Variants in PYHIN1 observed in about 807,000 individuals in gnomAD.
PYHIN1 encodes the protein pyrin and HIN domain family member 1, also known as pyrin and HIN domain-containing protein 1.
Under a neutral mutation model 43.7 loss-of-function variants are expected in PYHIN1, and 32 were observed. The observed-to-expected ratio is 0.73, with a 90% CI of 0.55 to 0.98. PYHIN1 has a LOEUF of 0.98. Ranked by LOEUF, PYHIN1 falls within the 50% of genes least tolerant of loss-of-function variation. PYHIN1 has a pLI of 0.00. For missense variants in PYHIN1, 588 were observed against 589.5 expected, an observed-to-expected ratio of 1.00 and a Z score of 0.03; for synonymous variants, 205 against 203.1, an observed-to-expected ratio of 1.01 and a Z score of -0.08.
intron 7 of PYHIN1, among the ~76,000 whole-genome samples, chr1:158,952,610 T>G (rs6674847): frequency 0.11 from 16,940 of 152,114 alleles, 1,093 homozygotes; most frequent in Non-Finnish European, 0.12. Context: ...AGGTGATGGT[T>G]CCTCCTCCTT....
At chr1:158,945,358 T>G in intron 7 of PYHIN1, 1 of 206,362 alleles carries the variant, frequency 4.8e-6, no homozygotes, top group Non-Finnish European at 9.6e-6. Context: ...ACATTCCAAT[T>G]TCTTTCACAA....
At chr1:158,973,415 C>T (rs774923176) in intron 7 of PYHIN1, among the ~76,000 whole-genome samples, 1 of 151,492 alleles carries the variant, frequency 6.6e-6, no homozygotes, top group Non-Finnish European at 1.5e-5. Context: ...ATGCTAGTTT[C>T]TGTGTATGCT....
intron 7 of PYHIN1, among the ~76,000 whole-genome samples, chr1:158,946,443 A>G (rs1052358382): frequency 5.3e-5 from 8 of 152,216 alleles, no homozygotes; most frequent in Admixed American, 2.0e-4. Flanking sequence ...ATTTCTAAAT[A>G]TGATTAACAG....
At chr1:158,953,041 G>C (rs553097445) in intron 7 of PYHIN1, among the ~76,000 whole-genome samples, 5 of 152,164 alleles carry the variant, frequency 3.3e-5, no homozygotes, top group African/African-American at 1.2e-4. Context: ...TGCGCTTTTC[G>C]GACCGGCTTA....
At chr1:158,956,077 C>A (rs927914647) in intron 7 of PYHIN1, among the ~76,000 whole-genome samples, 1 of 145,766 alleles carries the variant, frequency 6.9e-6, no homozygotes, top group Admixed American at 6.8e-5. Context: ...TCTGAATAGA[C>A]CAATAACAGG....
intron 7 of PYHIN1, among the ~76,000 whole-genome samples, chr1:158,962,914 C>G (rs1650409730): frequency 6.6e-6 from 1 of 152,116 alleles, no homozygotes; most frequent in African/African-American, 2.4e-5. Context: ...GGTTCTGCCC[C>G]TGATCCCCTT....
downstream of PYHIN1, among the ~76,000 whole-genome samples, chr1:158,979,364 A>G (rs1452851373): frequency 1.3e-5 from 2 of 152,144 alleles, no homozygotes; most frequent in Non-Finnish European, 2.9e-5. Context: ...AAGTTTGGCT[A>G]TTATAGATAC....
chr1:158,980,684 G>A (rs1045313477), downstream of PYHIN1, among the ~76,000 whole-genome samples: 9 of 152,172 alleles, frequency 5.9e-5, no homozygotes, highest in South Asian at 2.1e-4. Context: ...CTCTGCTCTC[G>A]AACCCTGTGT....
At chr1:158,979,561 C>G (rs1651418335), downstream of PYHIN1, among the ~76,000 whole-genome samples, 2 of 152,132 alleles carry the variant, frequency 1.3e-5, no homozygotes, top group Admixed American at 1.3e-4. Context: ...ATTTTCTTAT[C>G]TATTCATTCA....
the PYHIN1 span, among the ~76,000 whole-genome samples, chr1:158,985,027 C>T: frequency 1.3e-5 from 2 of 152,032 alleles, no homozygotes; most frequent in Non-Finnish European, 2.9e-5. Context: ...TTCCTCCATC[C>T]ATTTAATTTA....
At chr1:158,941,727 G>A (rs1462730408) in intron 4 of PYHIN1, among the ~76,000 whole-genome samples, 5 of 152,056 alleles carry the variant, frequency 3.3e-5, no homozygotes, top group Admixed American at 3.3e-4. Context: ...GTCTTTTGTT[G>A]CTATTATATC....
At chr1:158,958,265 C>G (rs1256787252) in intron 7 of PYHIN1, among the ~76,000 whole-genome samples, 1 of 150,938 alleles carries the variant, frequency 6.6e-6, no homozygotes, top group East Asian at 1.9e-4. Context: ...GGTATATACC[C>G]AAAGGACTAT....
intron 7 of PYHIN1, among the ~76,000 whole-genome samples, 160 bp from the exon 8 acceptor site, chr1:158,973,487 T>G (rs1651053147): frequency 7.0e-6 from 1 of 142,930 alleles, no homozygotes; most frequent in African/African-American, 2.6e-5. Flanking sequence ...AGAGGGAAGA[T>G]TCTATAAAAA....
At position 158,936,849 on chromosome 1, in the gene PYHIN1, C is replaced by G; in HGVS notation, c.-20-42C>G. 2.3e-6 allele frequency: 3 copies of G among 1,315,746 alleles called. 1 individual carries two copies. In the Middle Eastern group the frequency reaches 5.8e-4, roughly 254 times the overall value. 81.5% of individuals were successfully genotyped at this position (1,315,746 alleles called of 1,614,324 possible). On this transcript the variant is annotated intron_variant, in intron 1 of 8. Coordinates refer to ENST00000368140, the MANE Select transcript of PYHIN1 (RefSeq NM_152501.5). ...AGGCATACATCTTCTTTTAAATTCT[C>G]TGTATACATGTGTAACACTATATAC...
At chr1:158,980,264 A>G (rs1161345182), downstream of PYHIN1, among the ~76,000 whole-genome samples, 1 of 152,140 alleles carries the variant, frequency 6.6e-6, no homozygotes, top group African/African-American at 2.4e-5. Flanking sequence ...CACTGTGATA[A>G]TTGTTAACTG....
Position 158,942,017 on chromosome 1 carries a change from A to G in PYHIN1, c.620A>G (p.Lys207Arg). Residue 207 changes from lysine (K) to arginine (R), a missense_variant, in exon 5 of 9, where the codon AAA (lysine) becomes AGA (arginine). By Grantham distance (26) the Lys-to-Arg change is conservative. Transcript: ENST00000368140. ...PLANRHATAS[K>R]NIFREDPIIA... ...GCCAACCGTCACGCAACTGCCAGTA[A>G]AAATATTTTCCGAGAAGACCCAATA... 1 of 1,611,938 alleles carries G rather than the reference A, an allele frequency of 6.2e-7. No homozygotes were observed. Among genetic ancestry groups the G allele is most frequent in the Non-Finnish European group, 8.5e-7 (1 of 1,178,878 alleles).
chr1:158,968,534 G>T (rs1298559394), intron 7 of PYHIN1, among the ~76,000 whole-genome samples: 1 of 152,098 alleles, frequency 6.6e-6, no homozygotes, highest in African/African-American at 2.4e-5. Flanking sequence ...AAAGCAGTGT[G>T]ACAATTCCTC....
At chr1:158,936,821 C>T in intron 1 of PYHIN1, 70 bp from the exon 2 acceptor site, 1 of 1,023,798 alleles carries the variant, frequency 9.8e-7, no homozygotes, top group Non-Finnish European at 1.4e-6. Flanking sequence ...CACTTATTCA[C>T]ATAGGCATAC....
intron 7 of PYHIN1, among the ~76,000 whole-genome samples, chr1:158,964,852 A>G (rs1200135424): frequency 1.3e-5 from 2 of 152,346 alleles, no homozygotes; most frequent in East Asian, 3.9e-4. Context: ...TAATCAGCTA[A>G]CAACACAATG....
Sources: allele counts gnomAD v4.1 joint callset (sites outside exome capture counted in the v4.1 genomes callset), GRCh38; gene constraint gnomAD v4.1.1; transcripts MANE v1.5; gene names NCBI Gene and HGNC (gene_info 2026-07-23, HGNC 2026-07-21).